FBXO16: variants seen among roughly 807,000 people sequenced by gnomAD.
FBXO16 encodes the protein F-box only protein 16.
A neutral mutation model predicts 41.0 loss-of-function variants in FBXO16; 31 were observed. The observed-to-expected ratio is 0.76, with a 90% CI of 0.57 to 1.02. The LOEUF is 1.02. Ranked by LOEUF, FBXO16 falls within the 50% of genes least tolerant of loss-of-function variation. The probability of loss-of-function intolerance (pLI) is 0.00; values close to 1 mark genes in which losing one functional copy is unlikely to be tolerated. For synonymous variants in FBXO16, 133 were observed against 117.8 expected, an observed-to-expected ratio of 1.13 and a Z score of -0.84; for missense variants, 361 against 346.2, an observed-to-expected ratio of 1.04 and a Z score of -0.34.
chr8:28,480,752 G>A (rs1199750499), intron 2 of FBXO16, among the ~76,000 whole-genome samples: 2 of 152,078 alleles, frequency 1.3e-5, no homozygotes, highest in African/African-American at 4.8e-5. Context: ...TGATCCACTC[G>A]CCTTGGCCTC....
At chr8:28,487,661 C>T (rs1459876823) in intron 1 of FBXO16, among the ~76,000 whole-genome samples, 2 of 152,020 alleles carry the variant, frequency 1.3e-5, no homozygotes, top group Non-Finnish European at 2.9e-5. Flanking sequence ...TCCCAAAGTG[C>T]TGGGATTACA....
At chr8:28,488,292 C>T (rs969151342) in intron 1 of FBXO16, among the ~76,000 whole-genome samples, 1 of 140,014 alleles carries the variant, frequency 7.1e-6, no homozygotes, top group African/African-American at 2.7e-5. Context: ...ATCTTCTAAG[C>T]CTTTTTTTTT....
intron 5 of FBXO16, among the ~76,000 whole-genome samples, chr8:28,453,236 G>GATTTTTTTTTTTTTTGA (rs1802984936): frequency 6.6e-6 from 1 of 152,064 alleles, no homozygotes; most frequent in African/African-American, 2.4e-5. Context: ...TTTGAATACA[G>GATTTTTTTTTTTTTTGA]GACTGTCTTG....
chr8:28,472,687 G>C (rs1349472368), intron 3 of FBXO16, among the ~76,000 whole-genome samples: 2 of 152,170 alleles, frequency 1.3e-5, no homozygotes, highest in Non-Finnish European at 2.9e-5. Context: ...GGAGGTTGCA[G>C]TGATCCGAGA....
chr8:28,485,271 C>T (rs371011619), intron 1 of FBXO16, among the ~76,000 whole-genome samples: 8 of 152,172 alleles, frequency 5.3e-5, no homozygotes, highest in South Asian at 2.1e-4. Flanking sequence ...CTCCCAGGTT[C>T]AAGCGCTTCT....
intron 3 of FBXO16, among the ~76,000 whole-genome samples, chr8:28,467,194 T>C (rs1803258393): frequency 6.6e-6 from 1 of 152,142 alleles, no homozygotes; most frequent in South Asian, 2.1e-4. Flanking sequence ...ACAAAAAATT[T>C]TCATAAGATA....
At chr8:28,485,808 C>T (rs1208987578) in intron 1 of FBXO16, among the ~76,000 whole-genome samples, 1 of 152,124 alleles carries the variant, frequency 6.6e-6, no homozygotes, top group Non-Finnish European at 1.5e-5. Flanking sequence ...TACATGTGAG[C>T]AGGCAAGTTA....
At chr8:28,474,551 AC>A (rs1485734640) in intron 2 of FBXO16, among the ~76,000 whole-genome samples, 1 of 152,152 alleles carries the variant, frequency 6.6e-6, no homozygotes, top group East Asian at 1.9e-4. Context: ...ATGAGAATTT[AC>A]AAAACAAGTG....
At chr8:28,466,608 G>A (rs1021131275) in intron 3 of FBXO16, among the ~76,000 whole-genome samples, 4 of 149,992 alleles carry the variant, frequency 2.7e-5, no homozygotes, top group Admixed American at 6.7e-5. Flanking sequence ...TGGCTGACAC[G>A]GTGAAAACCC....
intron 7 of FBXO16, among the ~76,000 whole-genome samples, chr8:28,440,570 C>A (rs963854955): frequency 6.6e-6 from 1 of 152,044 alleles, no homozygotes; most frequent in Non-Finnish European, 1.5e-5. Flanking sequence ...TTCCCCCCCA[C>A]CCCTTTTGAG....
rs138441476 is a variant in FBXO16, at chr8:28,447,168, T to C, written c.843+3A>G. On this transcript the variant is annotated splice_donor_region_variant and intron_variant, in intron 7 of 8. Coordinates refer to ENST00000380254, the MANE Select transcript of FBXO16 (RefSeq NM_172366.4). ...TGATGAATCTTTCATAAACAATACT[T>C]ACCATTGATTGTGCTTTTCTTAGCC... 84 of 1,609,450 alleles carry C rather than the reference T, an allele frequency of 5.2e-5. No homozygotes were observed. In the African/African-American group the frequency reaches 9.6e-4, roughly 18 times the overall value.
chr8:28,439,697 G>A (rs13276415), intron 7 of FBXO16, among the ~76,000 whole-genome samples: 74,841 of 151,060 alleles, frequency 0.5, 19,814 homozygotes, highest in South Asian at 0.67. Flanking sequence ...AGTGAGCTGT[G>A]ATCACGCCAC....
At chr8:28,432,686 C>T (rs1802625925) in intron 7 of FBXO16, among the ~76,000 whole-genome samples, 1 of 152,204 alleles carries the variant, frequency 6.6e-6, no homozygotes, top group South Asian at 2.1e-4. Context: ...CTGCAGCTGT[C>T]TGCTTTCTGG....
At chr8:28,485,605 T>C (rs1803589807) in intron 1 of FBXO16, among the ~76,000 whole-genome samples, 1 of 152,226 alleles carries the variant, frequency 6.6e-6, no homozygotes, top group Admixed American at 6.5e-5. Flanking sequence ...TTTTAAACCC[T>C]CTGGGGTGTC....
At position 28,439,016 on chromosome 8, in the gene FBXO16, T is replaced by C. The variant is rs182742479; in HGVS notation, c.843+8155A>G. Among the ~76,000 whole-genome samples, 108 of 150,456 alleles carry C rather than the reference T, an allele frequency of 7.2e-4. No homozygotes were observed. In the East Asian group the frequency reaches 0.02, roughly 27 times the overall value. On this transcript the variant is annotated intron_variant, in intron 7 of 8. Coordinates refer to ENST00000380254, the MANE Select transcript of FBXO16 (RefSeq NM_172366.4). ...TTGGGAGGCTGAGGCAGGAGAATCGTTTGAACCCAGGAGGCAGAGGTTGCA... is the reference window on the plus strand; with the variant it reads ...TTGGGAGGCTGAGGCAGGAGAATCGCTTGAACCCAGGAGGCAGAGGTTGCA...
At chr8:28,474,493 A>T (rs535489818) in intron 2 of FBXO16, among the ~76,000 whole-genome samples, 8 of 152,200 alleles carry the variant, frequency 5.3e-5, no homozygotes, top group Admixed American at 2.0e-4. Flanking sequence ...CTAACGAAAA[A>T]ACAGGAACAT....
At chr8:28,459,246 A>C (rs7836591) in intron 4 of FBXO16, among the ~76,000 whole-genome samples, 2,256 of 152,290 alleles carry the variant, frequency 0.015, 60 homozygotes, top group African/African-American at 0.049. Flanking sequence ...AACTCTATAT[A>C]TAACTTAAAA....
At chr8:28,441,904 ATATATATGTGTGTGTGTGTG>A (rs1802783718) in intron 7 of FBXO16, among the ~76,000 whole-genome samples, 1 of 117,656 alleles carries the variant, frequency 8.5e-6, no homozygotes, top group Admixed American at 7.9e-5. Flanking sequence ...CACAGTGTAT[ATATATATGTGTGTGTGTGTG>A]TGTGTGTGTG....
intron 3 of FBXO16, among the ~76,000 whole-genome samples, chr8:28,464,059 C>G (rs980548495): frequency 3.9e-5 from 6 of 152,174 alleles, no homozygotes; most frequent in Non-Finnish European, 2.9e-5. Flanking sequence ...CTTGCAGTCA[C>G]ATGTGAACAA....
Sources: gnomAD v4.1 joint callset for allele counts (sites outside exome capture counted in the v4.1 genomes callset) on GRCh38, gnomAD v4.1.1 for gene constraint, MANE v1.5 for transcripts, NCBI Gene and HGNC (gene_info 2026-07-23, HGNC 2026-07-21) for gene names.